GBP6: variants seen among roughly 807,000 people sequenced by gnomAD.
GBP6 encodes guanylate-binding protein 6.
In GBP6, 54 loss-of-function variants were observed where a neutral mutation model predicts 61.5. That is an observed-to-expected ratio of 0.88 (90% CI 0.71 to 1.10). GBP6 has a LOEUF of 1.10. Among genes scored for constraint, GBP6 ranks in the 50% least tolerant of loss-of-function variants. GBP6 has a pLI of 0.00. For synonymous variants in GBP6, 255 were observed against 273.7 expected (o/e 0.93, Z 0.67); for missense variants, 748 against 752.8 (o/e 0.99, Z 0.07).
intron 3 of GBP6, among the ~76,000 whole-genome samples, chr1:89,375,376 C>T (rs1429636619): frequency 6.6e-6 from 1 of 152,140 alleles, no homozygotes; most frequent in Non-Finnish European, 1.5e-5. Context: ...ATTACAGATA[C>T]TGGTGAGGCT....
intron 3 of GBP6, among the ~76,000 whole-genome samples, chr1:89,371,218 T>G (rs1178255808): frequency 6.6e-6 from 1 of 152,182 alleles, no homozygotes; most frequent in African/African-American, 2.4e-5. Context: ...CGCAGCTGAA[T>G]TCTACCAGAG....
At position 89,368,597 on chromosome 1, in the gene GBP6, A is replaced by G. The variant is rs753868122; in HGVS notation, c.46A>G (p.Asn16Asp). ...GTTGGCCCCCGTTTGCCTGGTGGAAAATAACAATGAGCAGCTATTGGTGAA... is the reference window on the plus strand; with the variant it reads ...GTTGGCCCCCGTTTGCCTGGTGGAAGATAACAATGAGCAGCTATTGGTGAA... ...KMLAPVCLVE[N>D]NNEQLLVNQQ... Residue 16 changes from asparagine (N) to aspartate (D), a missense_variant, in exon 2 of 11, where the codon AAT becomes GAT. Coordinates refer to ENST00000370456, the MANE Select transcript of GBP6 (RefSeq NM_198460.3). 1 of 1,614,208 alleles carries G rather than the reference A, an allele frequency of 6.2e-7. No individual in the cohort carries two copies. The highest frequency in any genetic ancestry group is 1.7e-5 in the Admixed American group (1 of 60,026).
In GBP6 at chr1:89,381,819, T is replaced by C. The variant is rs1418162237; in HGVS notation, c.997T>C (p.Tyr333His). ...NSAAVQRAAD[Y>H]YSQQMAQRVK... The stretch of plus-strand genomic sequence containing the variant: ...AGCGGCCGTGCAGAGGGCAGCTGAC[T>C]ACTACAGCCAGCAGATGGCCCAGCG... Residue 333 changes from tyrosine (Y) to histidine (H), a missense_variant, in exon 7 of 11, where the codon TAC (tyrosine) becomes CAC (histidine). Tyr to His is a moderately conservative substitution (Grantham distance 83). Transcript: ENST00000370456. 1 of 1,613,908 alleles carries C rather than the reference T, an allele frequency of 6.2e-7. No homozygotes were observed.
chr1:89,370,430 T>C (rs1233926037), intron 3 of GBP6, among the ~76,000 whole-genome samples: 1 of 152,188 alleles, frequency 6.6e-6, no homozygotes, highest in Admixed American at 6.5e-5. Flanking sequence ...CCACAGAGCA[T>C]TCTGGAAGGC....
In GBP6 at chr1:89,386,767, T is replaced by C. The variant is rs1254482692; in HGVS notation, c.*1298T>C. On this transcript the variant is annotated 3_prime_UTR_variant, in exon 11 of 11. Coordinates refer to ENST00000370456, the MANE Select transcript of GBP6 (RefSeq NM_198460.3). The stretch of plus-strand genomic sequence containing the variant: ...GGAAGGATCCTGCCAACCTTGTCAG[T>C]AGTGGTCTTTTTGCGGTAGCCTCAG... 6.6e-6 allele frequency among the ~76,000 whole-genome samples: 1 copy of C among 152,210 alleles called. No homozygotes were observed. The highest frequency in any genetic ancestry group is 1.5e-5 in the Non-Finnish European group (1 of 68,034).
chr1:89,366,027 A>G (rs1300267092), intron 1 of GBP6, among the ~76,000 whole-genome samples: 1 of 152,240 alleles, frequency 6.6e-6, no homozygotes, highest in Non-Finnish European at 1.5e-5. Flanking sequence ...CCTACAGAAT[A>G]ATTGTACTTT....
chr1:89,382,867 A>G lies in GBP6; in HGVS notation c.1356A>G (p.Lys452=). 1 of 1,611,702 alleles carries G rather than the reference A, an allele frequency of 6.2e-7. No individual in the cohort carries two copies. The highest frequency in any genetic ancestry group is 8.5e-7 in the Non-Finnish European group (1 of 1,177,860). The change falls in exon 8 of 11, where the codon AAA becomes AAG. Residue 452 remains lysine (K), a synonymous_variant. Coordinates refer to ENST00000370456, the MANE Select transcript of GBP6 (RefSeq NM_198460.3). Reference sequence around the variant, plus strand: ...AGGACTATTGGCAAGTTCCCAGGAAAGGAGTAAAGGTAAGGAATAAGGGGA... The same window carrying G: ...AGGACTATTGGCAAGTTCCCAGGAAGGGAGTAAAGGTAAGGAATAAGGGGA... ...IEQDYWQVPR[K]GVKAKEVFQR...
At chr1:89,377,479 T>C (rs553495956) in intron 3 of GBP6, among the ~76,000 whole-genome samples, 24 of 152,336 alleles carry the variant, frequency 1.6e-4, no homozygotes, top group Admixed American at 5.2e-4. Context: ...CTTATCTTCC[T>C]GGATAGACTT....
intron 8 of GBP6, 42 bp downstream of exon 8, chr1:89,382,918 T>C: frequency 7.3e-7 from 1 of 1,365,848 alleles, no homozygotes; most frequent in Non-Finnish European, 1.0e-6. Flanking sequence ...TAGGATAGAG[T>C]GAATGGAGTC....
chr1:89,365,149 C>T lies in GBP6; in HGVS notation c.-24+1022C>T, dbSNP rs554725539. On this transcript the variant is annotated intron_variant, in intron 1 of 10. Coordinates refer to ENST00000370456, the MANE Select transcript of GBP6 (RefSeq NM_198460.3). Reference sequence around the variant, plus strand: ...AAGAGCTTCTGCACAGCAAAAGAAACTATCATCAGAGTGATCAGGTGATTC... The same window carrying T: ...AAGAGCTTCTGCACAGCAAAAGAAATTATCATCAGAGTGATCAGGTGATTC... Among the ~76,000 whole-genome samples, 1,165 of 152,310 alleles carry T rather than the reference C, an allele frequency of 7.6e-3. 7 individuals carry two copies. Among genetic ancestry groups the T allele is most frequent in the Non-Finnish European group, 0.014 (929 of 68,032 alleles).
chr1:89,376,732 T>A (rs966675858), intron 3 of GBP6, among the ~76,000 whole-genome samples: 11 of 152,172 alleles, frequency 7.2e-5, no homozygotes, highest in Non-Finnish European at 1.0e-4. Context: ...AGGATTTTTT[T>A]ATATTTATTT....
At chr1:89,371,143 G>T (rs565940523) in intron 3 of GBP6, among the ~76,000 whole-genome samples, 1 of 152,218 alleles carries the variant, frequency 6.6e-6, no homozygotes, top group South Asian at 2.1e-4. Flanking sequence ...CGACCTCAGT[G>T]TTCATCTATG....
intron 1 of GBP6, among the ~76,000 whole-genome samples, chr1:89,365,552 AT>A (rs1295777180): frequency 6.6e-6 from 1 of 152,162 alleles, no homozygotes; most frequent in South Asian, 2.1e-4. Context: ...TGAAAAATTT[AT>A]TTGTAGTTTT....
At chr1:89,379,621 A>G (rs950092177) in intron 5 of GBP6, among the ~76,000 whole-genome samples, 10 of 152,320 alleles carry the variant, frequency 6.6e-5, no homozygotes, top group Middle Eastern at 3.4e-3. Context: ...ATATGTATCC[A>G]TGCTAGAATT....
chr1:89,377,156 T>C (rs2100666974), intron 3 of GBP6, among the ~76,000 whole-genome samples: 1 of 152,296 alleles, frequency 6.6e-6, no homozygotes, highest in African/African-American at 2.4e-5. Flanking sequence ...TCCTGGACTA[T>C]GTATAATTTA....
At position 89,382,795 on chromosome 1, in the gene GBP6, T is replaced by C. The variant is rs762395528; in HGVS notation, c.1284T>C (p.Val428=). The C allele has an allele frequency of 7.4e-6, 12 of 1,613,998 alleles. No homozygotes were observed. The East Asian group carries it at 2.7e-4, about 36-fold the overall frequency. The part of the protein sequence containing the change: ...MESISAGSFS[V]PGGHKLYMET... ...GTATCTCAGCAGGAAGTTTCTCTGT[T>C]CCTGGAGGGCACAAGCTCTACATGG... is the stretch of plus-strand genomic sequence containing the variant. Residue 428 remains valine (V), a synonymous_variant, in exon 8 of 11, where the codon GTT becomes GTC. Transcript: ENST00000370456.
chr1:89,368,752 T>A lies in GBP6; in HGVS notation c.190+11T>A. ...CAGGACAGAATCATGGTAAGTGGTATCCTGGGACACAGGCCAGTTGCTTGA... is the reference window on the plus strand; with the variant it reads ...CAGGACAGAATCATGGTAAGTGGTAACCTGGGACACAGGCCAGTTGCTTGA... On this transcript the variant is annotated intron_variant, in intron 2 of 10. Transcript: ENST00000370456. 1 of 1,606,710 alleles carries A rather than the reference T, an allele frequency of 6.2e-7. No individual in the cohort carries two copies. Among genetic ancestry groups the A allele is most frequent in the African/African-American group, 1.3e-5 (1 of 74,878 alleles).
intron 1 of GBP6, among the ~76,000 whole-genome samples, chr1:89,367,449 T>C (rs755610351): frequency 6.6e-6 from 1 of 152,220 alleles, no homozygotes; most frequent in Non-Finnish European, 1.5e-5. Flanking sequence ...TTCATGTGCT[T>C]ATTGGCCATT....
intron 3 of GBP6, among the ~76,000 whole-genome samples, chr1:89,377,477 C>G (rs912599032): frequency 6.6e-6 from 1 of 152,138 alleles, no homozygotes; most frequent in Non-Finnish European, 1.5e-5. Context: ...CTCTTATCTT[C>G]CTGGATAGAC....
Sources: gnomAD v4.1 joint callset for allele counts (sites outside exome capture counted in the v4.1 genomes callset) on GRCh38, gnomAD v4.1.1 for gene constraint, MANE v1.5 for transcripts, NCBI Gene and HGNC (gene_info 2026-07-23, HGNC 2026-07-21) for gene names.